Variants in TMPRSS13 observed in about 807,000 individuals in gnomAD.
TMPRSS13 encodes transmembrane protease serine 13.
TMPRSS13 carries 50 observed loss-of-function variants against 68.4 expected under a neutral mutation model. The observed-to-expected ratio is 0.73, with a 90% CI of 0.58 to 0.93. The LOEUF is 0.93. Among genes scored for constraint, TMPRSS13 ranks in the 40% least tolerant of loss-of-function variants. The pLI is 0.00. For missense variants in TMPRSS13, 615 were observed against 729.2 expected (o/e 0.84, Z 1.80); for synonymous variants, 267 against 285.8 (o/e 0.93, Z 0.66).
At position 117,901,469 on chromosome 11, in the gene TMPRSS13, T is replaced by G. The variant is rs77817490; in HGVS notation, c.*770A>C. 1,567 of 152,616 alleles carry G rather than the reference T, an allele frequency of 0.01. 34 individuals carry two copies. Among genetic ancestry groups the G allele is most frequent in the East Asian group, 0.061 (316 of 5,188 alleles). 9.5% of individuals were successfully genotyped at this position (152,616 alleles called of 1,614,324 possible). ...TTCTGTAGGACTCTAAAATACGACATTTCCCATGAATCCCCTGGGGGTCTT... is the reference window on the plus strand; with the variant it reads ...TTCTGTAGGACTCTAAAATACGACAGTTCCCATGAATCCCCTGGGGGTCTT... On this transcript the variant is annotated 3_prime_UTR_variant, in exon 13 of 13. Transcript: ENST00000524993.
At chr11:117,913,353 C>T (rs1311759783) in intron 5 of TMPRSS13, among the ~76,000 whole-genome samples, 1 of 152,224 alleles carries the variant, frequency 6.6e-6, no homozygotes, top group Non-Finnish European at 1.5e-5. Flanking sequence ...TGAGGTCTGG[C>T]TCAAGACACA....
rs950000759 is a variant in TMPRSS13 at position 117,915,964 on chromosome 11, C to T, written c.556+1206G>A. 2.0e-5 allele frequency among the ~76,000 whole-genome samples: 3 copies of T among 152,162 alleles called. No individual in the cohort carries two copies. The highest frequency in any genetic ancestry group is 4.4e-5 in the Non-Finnish European group (3 of 68,030). ...TCAGACTGGTGGGGAAACTGAGGCT[C>T]AGAATGTTAATGGACTTGTCGAATT... is the stretch of plus-strand genomic sequence containing the variant. On this transcript the variant is annotated intron_variant, in intron 3 of 12. Coordinates refer to ENST00000524993, the MANE Select transcript of TMPRSS13 (RefSeq NM_001077263.3). The surrounding 1 kb of genome is among the most constrained non-coding windows in gnomAD (Gnocchi z 4.9).
chr11:117,921,646 C>A (rs1469856483), intron 1 of TMPRSS13, among the ~76,000 whole-genome samples: 1 of 152,210 alleles, frequency 6.6e-6, no homozygotes, highest in African/African-American at 2.4e-5. Flanking sequence ...AAGCCAAGAA[C>A]TGCAGAAAGG....
At chr11:117,920,610 T>G in intron 1 of TMPRSS13, among the ~76,000 whole-genome samples, 1 of 152,164 alleles carries the variant, frequency 6.6e-6, no homozygotes, top group East Asian at 1.9e-4. Context: ...TGCCTCAGCC[T>G]CCCGAGAAGC....
Position 117,929,313 on chromosome 11 carries a change from C to T in TMPRSS13, c.-6G>A. The T allele has an allele frequency of 6.2e-7, 1 of 1,605,748 alleles. No individual in the cohort carries two copies. The highest frequency in any genetic ancestry group is 1.3e-5 in the African/African-American group (1 of 74,646). On this transcript the variant is annotated 5_prime_UTR_variant, in exon 1 of 13. Transcript: ENST00000524993. ...CCGTGGCTGTCCCTCTCCATGGTCTCTGAGGGGAAGAGTCCTCCAGGCTTA... is the reference window on the plus strand; with the variant it reads ...CCGTGGCTGTCCCTCTCCATGGTCTTTGAGGGGAAGAGTCCTCCAGGCTTA...
chr11:117,920,005 G>T (rs766067993), intron 1 of TMPRSS13, among the ~76,000 whole-genome samples: 1 of 152,220 alleles, frequency 6.6e-6, no homozygotes, highest in African/African-American at 2.4e-5. Flanking sequence ...TTACCACAGG[G>T]ATCTTGGTCT....
At chr11:117,927,217 G>A (rs1244225209) in intron 1 of TMPRSS13, among the ~76,000 whole-genome samples, 2 of 152,062 alleles carry the variant, frequency 1.3e-5, no homozygotes, top group Non-Finnish European at 2.9e-5. Flanking sequence ...AATCCTCTCC[G>A]ACCACGCAGC....
chr11:117,918,908 G>A (rs2134912374), intron 1 of TMPRSS13, 70 bp from the exon 2 acceptor site: 2 of 1,587,994 alleles, frequency 1.3e-6, no homozygotes, highest in Non-Finnish European at 8.5e-7. Context: ...CAGCTGTGCT[G>A]CACTAGGAGA....
At chr11:117,907,807 G>A (rs1157478966) in intron 9 of TMPRSS13, 11 of 985,190 alleles carry the variant, frequency 1.1e-5, no homozygotes, top group Non-Finnish European at 1.3e-5. Context: ...TGGTCGTCTT[G>A]GTGTATTTTA....
chr11:117,902,365 G>A lies in TMPRSS13; in HGVS notation c.1678-100C>T, dbSNP rs1011051726. On this transcript the variant is annotated intron_variant, in intron 12 of 12. Transcript: ENST00000524993. ...TCAGAACCTATAATTTAGCCTCGCT[G>A]TCACCTAGCACTGCCTCTCCAAGGA... is the stretch of plus-strand genomic sequence containing the variant. The A allele has an allele frequency of 6.1e-6, 8 of 1,308,710 alleles. No homozygotes were observed. In the Admixed American group the frequency reaches 1.4e-4, roughly 23 times the overall value. The allele number at this position is 1,308,710 out of a possible 1,614,324, so 81.1% of individuals were successfully genotyped here.
intron 1 of TMPRSS13, among the ~76,000 whole-genome samples, chr11:117,920,123 G>A (rs936344272): frequency 4.6e-5 from 7 of 152,164 alleles, no homozygotes; most frequent in African/African-American, 1.4e-4. Context: ...AGGTGCTCTG[G>A]GTTAGAGAGA....
chr11:117,914,037 T>C lies in TMPRSS13; in HGVS notation c.680-131A>G, dbSNP rs1013017541. ...ACTCCTTGCTGAGGCCTGGGAAAAG[T>C]CCAGGAACATGGCCTGGGTCATGGG... On this transcript the variant is annotated intron_variant, in intron 4 of 12. Coordinates refer to ENST00000524993, the MANE Select transcript of TMPRSS13 (RefSeq NM_001077263.3). The surrounding 1 kb of genome is among the most constrained non-coding windows in gnomAD (Gnocchi z 4.2). The C allele has an allele frequency of 3.6e-6, 4 of 1,122,714 alleles. No individual in the cohort carries two copies. Among genetic ancestry groups the C allele is most frequent in the African/African-American group, 3.1e-5 (2 of 64,124 alleles). The allele number at this position is 1,122,714 out of a possible 1,614,324, so 69.5% of individuals were successfully genotyped here. A position where few individuals can be genotyped will look rare whatever the true frequency, so the allele number is the denominator to read the frequency against.
chr11:117,905,266 G>C (rs1224141624), intron 10 of TMPRSS13, among the ~76,000 whole-genome samples: 1 of 151,652 alleles, frequency 6.6e-6, no homozygotes, highest in East Asian at 1.9e-4. Context: ...GAAAAGTCCT[G>C]CGTCTTTGAA....
At chr11:117,927,469 A>G (rs1200738003) in intron 1 of TMPRSS13, among the ~76,000 whole-genome samples, 1 of 152,226 alleles carries the variant, frequency 6.6e-6, no homozygotes, top group African/African-American at 2.4e-5. Flanking sequence ...TCTTTTGAAT[A>G]TGAGAAACTG....
intron 12 of TMPRSS13, among the ~76,000 whole-genome samples, chr11:117,902,493 C>A (rs574277891): frequency 3.9e-5 from 6 of 152,340 alleles, no homozygotes; most frequent in African/African-American, 1.2e-4. Flanking sequence ...CCCTGTTCCC[C>A]AGGCAGAGAA....
chr11:117,914,627 T>C lies in TMPRSS13; in HGVS notation c.557-113A>G. Reference sequence around the variant, plus strand: ...CACCGACCTGCAATCCCTCTTGAACTCTGGGGCTCTCATCCCCCATCTGTA... The same window carrying C: ...CACCGACCTGCAATCCCTCTTGAACCCTGGGGCTCTCATCCCCCATCTGTA... On this transcript the variant is annotated intron_variant, in intron 3 of 12. Transcript: ENST00000524993. The surrounding 1 kb of genome is among the most constrained non-coding windows in gnomAD (Gnocchi z 4.2). 3 of 1,527,802 alleles carry C rather than the reference T, an allele frequency of 2.0e-6. No individual in the cohort carries two copies. Among genetic ancestry groups the C allele is most frequent in the Non-Finnish European group, 1.8e-6 (2 of 1,138,156 alleles). The allele number at this position is 1,527,802 out of a possible 1,614,324, so 94.6% of individuals were successfully genotyped here. A position where few individuals can be genotyped will look rare whatever the true frequency, so the allele number is the denominator to read the frequency against.
chr11:117,902,890 G>A (rs2057421854), intron 12 of TMPRSS13, among the ~76,000 whole-genome samples: 1 of 152,212 alleles, frequency 6.6e-6, no homozygotes, highest in African/African-American at 2.4e-5. Context: ...ATGAGAGGGT[G>A]GAAGTGGGAG....
intron 1 of TMPRSS13, among the ~76,000 whole-genome samples, chr11:117,925,226 C>T (rs938102790): frequency 2.0e-5 from 3 of 152,162 alleles, no homozygotes; most frequent in Non-Finnish European, 4.4e-5. Context: ...ACAGCGGAGT[C>T]AACATAACAT....
At chr11:117,909,188 G>A (rs922256450) in intron 8 of TMPRSS13, among the ~76,000 whole-genome samples, 2 of 152,092 alleles carry the variant, frequency 1.3e-5, no homozygotes, top group Non-Finnish European at 2.9e-5. Context: ...TAGGGATGGG[G>A]ACACAGATTC....
Sources: allele counts gnomAD v4.1 joint callset (sites outside exome capture counted in the v4.1 genomes callset), GRCh38; gene constraint gnomAD v4.1.1; non-coding constraint Gnocchi (gnomAD v3.1); transcripts MANE v1.5; gene names NCBI Gene and HGNC (gene_info 2026-07-23, HGNC 2026-07-21).